The following HECW2 variants were observed in gnomAD, a reference collection of about 807,000 sequenced individuals.
The protein encoded by HECW2 is E3 ubiquitin-protein ligase HECW2.
A neutral mutation model predicts 175.2 loss-of-function variants in HECW2; 61 were observed. The ratio of observed to expected loss-of-function variants is 0.35; its 90% CI spans 0.28 to 0.43. HECW2 has a LOEUF of 0.43. Among genes scored for constraint, HECW2 ranks in the 20% least tolerant of loss-of-function variants. The probability of loss-of-function intolerance (pLI) is 1.00; values close to 1 mark genes in which losing one functional copy is unlikely to be tolerated. For missense variants in HECW2, 1,524 were observed against 2,000.5 expected, an observed-to-expected ratio of 0.76 and a Z score of 4.54; for synonymous variants, 671 against 731.0, an observed-to-expected ratio of 0.92 and a Z score of 1.32.
intron 1 of HECW2, among the ~76,000 whole-genome samples, chr2:196,440,059 C>A (rs1695995386): frequency 6.6e-6 from 1 of 152,026 alleles, no homozygotes; most frequent in Non-Finnish European, 1.5e-5. Context: ...ATTGACAGGG[C>A]TGAGAAAATC....
chr2:196,337,742 C>T (rs116380731), intron 3 of HECW2, among the ~76,000 whole-genome samples: 2,921 of 151,040 alleles, frequency 0.019, 87 homozygotes, highest in African/African-American at 0.068. Context: ...CCTCAGAGGG[C>T]AGTGAGCTAG....
intron 1 of HECW2, among the ~76,000 whole-genome samples, chr2:196,538,341 A>G (rs897991206): frequency 1.3e-5 from 2 of 152,180 alleles, no homozygotes; most frequent in Non-Finnish European, 2.9e-5. Context: ...AGATTCTGTG[A>G]TACAAGCAGT....
intron 1 of HECW2, among the ~76,000 whole-genome samples, chr2:196,582,287 A>C (rs1277788782): frequency 6.6e-6 from 1 of 152,150 alleles, no homozygotes; most frequent in Non-Finnish European, 1.5e-5. Context: ...GCTGAAGATA[A>C]ACTAACTCAA....
At chr2:196,235,442 T>G (rs2105863322) in intron 21 of HECW2, among the ~76,000 whole-genome samples, 1 of 152,044 alleles carries the variant, frequency 6.6e-6, no homozygotes, top group South Asian at 2.1e-4. Context: ...TCTCTAGTAT[T>G]GTGGGGCTAA....
chr2:196,461,208 G>A (rs1179033089), intron 1 of HECW2, among the ~76,000 whole-genome samples: 1 of 152,140 alleles, frequency 6.6e-6, no homozygotes, highest in African/African-American at 2.4e-5. Context: ...CAGGCAAGAA[G>A]CAACAGAGAT....
intron 23 of HECW2, 109 bp from the exon 24 acceptor site, chr2:196,222,449 A>G (rs1283605576): frequency 1.1e-6 from 1 of 930,256 alleles, no homozygotes; most frequent in Non-Finnish European, 1.6e-6. Flanking sequence ...GAGCCACTAC[A>G]TAGGCAGTGA....
At position 196,274,110 on chromosome 2, in the gene HECW2, G is replaced by C. The variant is rs1689850281; in HGVS notation, c.3149C>G (p.Ser1050Cys). The C allele has an allele frequency of 6.2e-6, 10 of 1,613,530 alleles. No individual in the cohort carries two copies. The highest frequency in any genetic ancestry group is 8.5e-6 in the Non-Finnish European group (10 of 1,179,458). ...SHSAGEVGEDSRHAGPPVLPR... is the reference protein window; with the variant it reads ...SHSAGEVGEDCRHAGPPVLPR... ...AAGAACTGGTGGTCCTGCATGTCGA[G>C]AATCTTCTCCTACCTGCAAACAGAA... The change falls in exon 16 of 29, where the codon TCT becomes TGT. Residue 1050 changes from serine (S) to cysteine (C), a missense_variant. Around this residue, in one of 11 missense-constraint regions of HECW2, gnomAD observed 291 missense variants for 412.2 expected, o/e 0.71. Coordinates refer to ENST00000644978, the MANE Select transcript of HECW2 (RefSeq NM_001348768.2).
At chr2:196,215,120 TC>T (rs1687426982) in intron 28 of HECW2, among the ~76,000 whole-genome samples, 1 of 152,204 alleles carries the variant, frequency 6.6e-6, no homozygotes, top group Non-Finnish European at 1.5e-5. Flanking sequence ...TTTCTTCCAT[TC>T]CTCTTTTGTT....
chr2:196,477,978 G>A (rs1559135223), intron 1 of HECW2, among the ~76,000 whole-genome samples: 2 of 152,160 alleles, frequency 1.3e-5, no homozygotes, highest in African/African-American at 4.8e-5. Flanking sequence ...CTTGAACCTG[G>A]GAGGCGGAGG....
chr2:196,241,362 C>T (rs1014853329), intron 20 of HECW2, among the ~76,000 whole-genome samples: 4 of 152,248 alleles, frequency 2.6e-5, no homozygotes, highest in Admixed American at 1.3e-4. Context: ...ATCAAGCAAG[C>T]CTTCCTGCAG....
At chr2:196,379,684 C>CAAAAAAAAA (rs1228923177) in intron 2 of HECW2, among the ~76,000 whole-genome samples, 1 of 28,266 alleles carries the variant, frequency 3.5e-5, no homozygotes, top group African/African-American at 6.4e-5. Flanking sequence ...TACTCCGTCT[C>CAAAAAAAAA]AAAAAAAAAA....
chr2:196,476,732 C>A (rs552432546), intron 1 of HECW2, among the ~76,000 whole-genome samples: 2 of 151,832 alleles, frequency 1.3e-5, no homozygotes, highest in African/African-American at 2.4e-5. Context: ...TGACAATTAT[C>A]TAATTTGGTT....
chr2:196,440,714 C>T (rs1417160398), intron 1 of HECW2, among the ~76,000 whole-genome samples: 1 of 152,148 alleles, frequency 6.6e-6, no homozygotes, highest in East Asian at 1.9e-4. Context: ...AAATTATCCA[C>T]GTTCTTTTGA....
At position 196,315,985 on chromosome 2, in the gene HECW2, A is replaced by C. The variant is rs544366390; in HGVS notation, c.2434+1289T>G. The C allele has an allele frequency of 4.6e-5, 7 of 152,300 alleles. No homozygotes were observed. In the South Asian group the frequency reaches 1.5e-3, roughly 32 times the overall value. 9.4% of individuals were successfully genotyped at this position (152,300 alleles called of 1,614,324 possible). On this transcript the variant is annotated intron_variant, in intron 10 of 28. Transcript: ENST00000644978. ...TAGTGTTCTGAATTTGTTTTGCTCCAATTATACCTAAATATCTTCCAGAAA... is the reference window on the plus strand; with the variant it reads ...TAGTGTTCTGAATTTGTTTTGCTCCCATTATACCTAAATATCTTCCAGAAA...
chr2:196,527,076 C>G (rs1333227872), intron 1 of HECW2, among the ~76,000 whole-genome samples: 4 of 152,234 alleles, frequency 2.6e-5, no homozygotes, highest in Non-Finnish European at 5.9e-5. Flanking sequence ...CCTCCCCCAG[C>G]CTTGCTGCCG....
intron 2 of HECW2, among the ~76,000 whole-genome samples, chr2:196,376,850 C>T (rs1367744280): frequency 3.3e-5 from 5 of 151,582 alleles, no homozygotes; most frequent in South Asian, 4.2e-4. Flanking sequence ...AGGAGAATCT[C>T]GAACCCGGGA....
At chr2:196,341,642 A>G (rs1339333035) in intron 3 of HECW2, among the ~76,000 whole-genome samples, 3 of 152,052 alleles carry the variant, frequency 2.0e-5, no homozygotes, top group Non-Finnish European at 2.9e-5. Context: ...GAATGTACCT[A>G]CTTCCCCTTT....
intron 2 of HECW2, among the ~76,000 whole-genome samples, chr2:196,405,442 T>C (rs754310575): frequency 2.6e-5 from 4 of 152,112 alleles, no homozygotes; most frequent in Non-Finnish European, 4.4e-5. Flanking sequence ...CACTTTCAAA[T>C]GCATAAAGAA....
intron 1 of HECW2, among the ~76,000 whole-genome samples, chr2:196,455,843 C>T (rs1575560763): frequency 2.0e-5 from 3 of 151,704 alleles, no homozygotes; most frequent in African/African-American, 7.3e-5. Context: ...TACAATAACC[C>T]AAAATCAATT....
Sources: allele counts gnomAD v4.1 joint callset (sites outside exome capture counted in the v4.1 genomes callset), GRCh38; gene constraint gnomAD v4.1.1; regional missense constraint gnomAD v4.1.1; transcripts MANE v1.5; gene names NCBI Gene and HGNC (gene_info 2026-07-23, HGNC 2026-07-21).